The following TDRD9 variants were observed in gnomAD, a reference collection of about 807,000 sequenced individuals.
TDRD9 encodes ATP-dependent RNA helicase TDRD9.
In TDRD9, 124 loss-of-function variants were observed where a neutral mutation model predicts 172.6. The observed-to-expected ratio is 0.72, with a 90% CI of 0.62 to 0.83. TDRD9 has a LOEUF of 0.83. Ranked by LOEUF, TDRD9 falls within the 40% of genes least tolerant of loss-of-function variation. TDRD9 has a pLI of 0.00. For synonymous variants in TDRD9, 619 were observed against 617.1 expected, an observed-to-expected ratio of 1.00 and a Z score of -0.05; for missense variants, 1,479 against 1,714.1, an observed-to-expected ratio of 0.86 and a Z score of 2.42.
At chr14:104,033,899 C>G (rs2035361916) in intron 30 of TDRD9, 61 bp from the exon 31 acceptor site, 1 of 1,058,642 alleles carries the variant, frequency 9.4e-7, no homozygotes, top group Non-Finnish European at 1.4e-6. Context: ...TGTGGGTTGG[C>G]ATAGCACATT....
chr14:103,951,852 C>T (rs147999531), intron 1 of TDRD9, among the ~76,000 whole-genome samples: 4,061 of 151,564 alleles, frequency 0.027, 138 homozygotes, highest in African/African-American at 0.083. Flanking sequence ...CTGCAAGCTC[C>T]GCCTCCCGAG....
chr14:103,998,790 G>A, intron 13 of TDRD9, 62 bp downstream of exon 13: 1 of 824,172 alleles, frequency 1.2e-6, no homozygotes, highest in Admixed American at 2.3e-5. Flanking sequence ...ACATTCAGGT[G>A]CTTTTTTTTT....
intron 34 of TDRD9, among the ~76,000 whole-genome samples, chr14:104,048,002 A>ACTGG (rs898647117): frequency 5.6e-4 from 86 of 152,274 alleles, no homozygotes; most frequent in African/African-American, 2.0e-3. Flanking sequence ...CTCAGCCTCT[A>ACTGG]CTGGCTGCTC....
rs1370519298 is a variant in TDRD9 at position 103,965,410 on chromosome 14, G to A, written c.498G>A (p.Pro166=). Residue 166 remains proline, a synonymous_variant, in exon 4 of 36, where the codon CCG becomes CCA. Transcript: ENST00000409874. The part of the protein sequence containing the change: ...ATGSGKSTQL[P]QYILDHYVQR... ...GAAGCGGTAAAAGCACTCAGCTCCC[G>A]CAGTATATCTTGGACCACTACGTTC... is the stretch of plus-strand genomic sequence containing the variant. 1.7e-5 allele frequency: 27 copies of A among 1,551,540 alleles called. 1 individual carries two copies. Among genetic ancestry groups the A allele is most frequent in the East Asian group, 1.2e-4 (5 of 40,924 alleles).
At chr14:104,021,528 A>G (rs2034954609) in intron 23 of TDRD9, among the ~76,000 whole-genome samples, 1 of 152,130 alleles carries the variant, frequency 6.6e-6, no homozygotes. Flanking sequence ...CCCTGTCTCT[A>G]CTAAAAATAC....
chr14:104,009,426 T>C (rs2034541478), intron 20 of TDRD9, among the ~76,000 whole-genome samples: 1 of 152,060 alleles, frequency 6.6e-6, no homozygotes. Flanking sequence ...AAGATAAAAA[T>C]GGCATACCAA....
chr14:103,991,309 G>T, intron 9 of TDRD9, 85 bp downstream of exon 9: 1 of 1,382,188 alleles, frequency 7.2e-7, no homozygotes, highest in Non-Finnish European at 1.0e-6. Context: ...TATGAAAGAT[G>T]GTATTCTCCA....
chr14:103,940,838 A>G (rs1462156840), intron 1 of TDRD9: 5 of 1,535,108 alleles, frequency 3.3e-6, no homozygotes, highest in South Asian at 1.2e-5. Context: ...GGTAGGTTCC[A>G]TATTCTGTGT....
At chr14:103,953,681 G>A (rs942340666) in intron 1 of TDRD9, among the ~76,000 whole-genome samples, 3 of 152,288 alleles carry the variant, frequency 2.0e-5, no homozygotes. Context: ...CCAAGACAAA[G>A]CCTGAGAACC....
chr14:103,968,945 A>AAAAATTTAAAAATAC (rs2032892874), intron 5 of TDRD9, among the ~76,000 whole-genome samples: 1 of 82,200 alleles, frequency 1.2e-5, no homozygotes, highest in East Asian at 3.9e-4. Context: ...CTAAAAATAC[A>AAAAATTTAAAAATAC]AAAAATTAGC....
At chr14:103,998,543 C>A in intron 12 of TDRD9, 81 bp from the exon 13 acceptor site, 1 of 836,004 alleles carries the variant, frequency 1.2e-6, no homozygotes, top group South Asian at 1.5e-5. Context: ...TTTCAAATGG[C>A]TTTATCACTA....
intron 23 of TDRD9, 145 bp from the exon 24 acceptor site, chr14:104,022,012 A>G (rs559466759): frequency 9.7e-5 from 63 of 649,046 alleles, no homozygotes; most frequent in Middle Eastern, 8.3e-4. Context: ...AGAAATTAAT[A>G]CATGTTATTG....
chr14:103,956,910 A>G (rs143556667), intron 2 of TDRD9, among the ~76,000 whole-genome samples: 1 of 152,242 alleles, frequency 6.6e-6, no homozygotes, highest in East Asian at 1.9e-4. Context: ...GTCATCTGTC[A>G]TAGATTTCTG....
At chr14:104,016,863 C>T (rs529896094) in intron 22 of TDRD9, among the ~76,000 whole-genome samples, 6 of 152,234 alleles carry the variant, frequency 3.9e-5, no homozygotes, top group Admixed American at 2.6e-4. Context: ...ATTGTTACAC[C>T]ACCACTGTTA....
chr14:103,993,855 C>T (rs922143982), intron 9 of TDRD9, among the ~76,000 whole-genome samples: 2 of 152,186 alleles, frequency 1.3e-5, no homozygotes, highest in African/African-American at 2.4e-5. Flanking sequence ...CACAGTTCAA[C>T]CCATAACAGA....
At chr14:104,004,118 C>T (rs937330291) in intron 13 of TDRD9, 120 bp from the exon 14 acceptor site, 2 of 490,322 alleles carry the variant, frequency 4.1e-6, no homozygotes, top group Non-Finnish European at 7.6e-6. Flanking sequence ...CTGACATAGT[C>T]TGGTGGAAGA....
intron 34 of TDRD9, among the ~76,000 whole-genome samples, chr14:104,042,944 A>G (rs1242890132): frequency 4.6e-5 from 7 of 152,128 alleles, no homozygotes; most frequent in Admixed American, 4.6e-4. Context: ...AAAAAGCTAT[A>G]TATAGCTGTC....
In TDRD9 at chr14:103,928,667, CGGCCCAGGCTCCGGCTCT is replaced by C; in HGVS notation, c.165_182del (p.Leu59_Ala64del). ...GACGTGGCCCCCGGCGCTGGTCCCG[CGGCCCAGGCTCCGGCTCT>C]GGCCCAAGCTCCGGCCCGGCCGGCC... is the stretch of plus-strand genomic sequence containing the variant. On this transcript the variant is annotated inframe_deletion, in exon 1 of 36. Coordinates refer to ENST00000409874, the MANE Select transcript of TDRD9 (RefSeq NM_153046.3). The C allele has an allele frequency of 8.1e-7, 1 of 1,237,604 alleles. No individual in the cohort carries two copies. The highest frequency in any genetic ancestry group is 1.0e-6 in the Non-Finnish European group (1 of 979,522). 76.7% of individuals were successfully genotyped at this position (1,237,604 alleles called of 1,614,324 possible). A position where few individuals can be genotyped will look rare whatever the true frequency, so the allele number is the denominator to read the frequency against.
chr14:104,019,172 C>T lies in TDRD9; in HGVS notation c.2432+980C>T, dbSNP rs555349224. ...TGGAATCACACAGCTAAACTCATTC[C>T]TGAATAGTGTGCGTCTGCTTACCTG... On this transcript the variant is annotated intron_variant, in intron 23 of 35. Coordinates refer to ENST00000409874, the MANE Select transcript of TDRD9 (RefSeq NM_153046.3). 1.2e-4 allele frequency among the ~76,000 whole-genome samples: 19 copies of T among 152,280 alleles called. No homozygotes were observed. The East Asian group carries it at 3.5e-3, about 28-fold the overall frequency.
Sources: gnomAD v4.1 joint callset for allele counts (sites outside exome capture counted in the v4.1 genomes callset) on GRCh38, gnomAD v4.1.1 for gene constraint, MANE v1.5 for transcripts, NCBI Gene and HGNC (gene_info 2026-07-23, HGNC 2026-07-21) for gene names.